Variants in DOT1L observed in about 807,000 individuals in gnomAD.
DOT1L encodes histone-lysine N-methyltransferase, H3 lysine-79 specific.
DOT1L carries 33 observed loss-of-function variants against 153.3 expected under a neutral mutation model. The observed-to-expected ratio is 0.22, with a 90% CI of 0.16 to 0.29. The LOEUF (loss-of-function observed/expected upper bound fraction) is 0.29, where lower values mean the gene tolerates loss of function less well. Among genes scored for constraint, DOT1L ranks in the 10% least tolerant of loss-of-function variants. The pLI is 1.00. For synonymous variants in DOT1L, 1,135 were observed against 965.1 expected (o/e 1.18, Z -3.26); for missense variants, 1,847 against 2,119.9 (o/e 0.87, Z 2.53).
chr19:2,165,961 G>A (rs577390318), intron 1 of DOT1L, among the ~76,000 whole-genome samples: 6 of 151,904 alleles, frequency 3.9e-5, no homozygotes, highest in Admixed American at 1.3e-4. Context: ...TAGTAGAGAC[G>A]GGGTTTCACC....
rs11881848 is a variant in DOT1L at position 2,230,801 on chromosome 19, G to C, written c.*1009G>C. On this transcript the variant is annotated 3_prime_UTR_variant, in exon 28 of 28. Transcript: ENST00000398665. ...ACAAAATGGCCCCAGCGTCAGCCCC[G>C]ACCCTAGACCCCTCAGTTGCAGCTC... The C allele has an allele frequency of 7.3e-5, 28 of 383,948 alleles. No homozygotes were observed. The highest frequency in any genetic ancestry group is 9.7e-5 in the Non-Finnish European group (21 of 217,186). The allele number at this position is 383,948 out of a possible 1,614,324, so 23.8% of individuals were successfully genotyped here.
intron 16 of DOT1L, 165 bp downstream of exon 16, chr19:2,212,007 G>T (rs1008997947): frequency 3.2e-6 from 2 of 633,796 alleles, no homozygotes; most frequent in Non-Finnish European, 5.3e-6. Flanking sequence ...TAAACCCAAA[G>T]AATGGACTGA....
intron 1 of DOT1L, among the ~76,000 whole-genome samples, chr19:2,166,568 C>T (rs755144373): frequency 2.0e-5 from 3 of 152,098 alleles, no homozygotes; most frequent in Admixed American, 6.6e-5. Flanking sequence ...TGAGCCACCA[C>T]GTCCGGCTAA....
rs979893615 is a variant in DOT1L at position 2,204,273 on chromosome 19, A to G, written c.787+1494A>G. Among the ~76,000 whole-genome samples, 4 of 148,452 alleles carry G rather than the reference A, an allele frequency of 2.7e-5. No homozygotes were observed. Among genetic ancestry groups the G allele is most frequent in the Non-Finnish European group, 4.5e-5 (3 of 67,320 alleles). Reference sequence around the variant, plus strand: ...TGCCCGTGTGCCTCCGTGTCTATGTATGTGTCTGCTTGTTTGTCTGTGTGT... The same window carrying G: ...TGCCCGTGTGCCTCCGTGTCTATGTGTGTGTCTGCTTGTTTGTCTGTGTGT... On this transcript the variant is annotated intron_variant, in intron 9 of 27. Transcript: ENST00000398665. The surrounding 1 kb of genome is among the most constrained non-coding windows in gnomAD (Gnocchi z 5.7).
chr19:2,195,274 C>A (rs1471908879), intron 7 of DOT1L, among the ~76,000 whole-genome samples: 1 of 152,130 alleles, frequency 6.6e-6, no homozygotes, highest in Non-Finnish European at 1.5e-5. Flanking sequence ...CTTCCCACCC[C>A]ACGCTGAGTC....
rs1231124047 is a variant in DOT1L, at chr19:2,190,285, C to G, written c.264+490C>G. 6.6e-6 allele frequency among the ~76,000 whole-genome samples: 1 copy of G among 152,138 alleles called. No homozygotes were observed. The highest frequency in any genetic ancestry group is 1.5e-5 in the Non-Finnish European group (1 of 68,006). ...GGGCACACAGTGAGCTGGGGTGTAGCAGGGAGGGGAACGTGCTGCTTCCCA... is the reference window on the plus strand; with the variant it reads ...GGGCACACAGTGAGCTGGGGTGTAGGAGGGAGGGGAACGTGCTGCTTCCCA... On this transcript the variant is annotated intron_variant, in intron 4 of 27. Coordinates refer to ENST00000398665, the MANE Select transcript of DOT1L (RefSeq NM_032482.3). The surrounding 1 kb of genome is among the most constrained non-coding windows in gnomAD (Gnocchi z 4.8).
intron 3 of DOT1L, 30 bp from the exon 4 acceptor site, chr19:2,189,702 A>C (rs759089252): frequency 1.3e-5 from 21 of 1,607,188 alleles, no homozygotes; most frequent in Non-Finnish European, 1.5e-5. Context: ...TCCTGCCCGC[A>C]TGACCAGGGC....
In DOT1L at chr19:2,230,763, A is replaced by G; in HGVS notation, c.*971A>G. ...AAAGCGAGGGGAAAAAACCTTATTT[A>G]TTCAAACAGTGCACAAAATGGCCCC... On this transcript the variant is annotated 3_prime_UTR_variant, in exon 28 of 28. Transcript: ENST00000398665. 1 of 396,630 alleles carries G rather than the reference A, an allele frequency of 2.5e-6. No homozygotes were observed. The highest frequency in any genetic ancestry group is 1.4e-4 in the South Asian group (1 of 7,010). 24.6% of individuals were successfully genotyped at this position (396,630 alleles called of 1,614,324 possible). A position where few individuals can be genotyped will look rare whatever the true frequency, so the allele number is the denominator to read the frequency against.
In DOT1L at chr19:2,193,321, CGTG is replaced by C. The variant is rs1019713668; in HGVS notation, c.494-366_494-364del. Among the ~76,000 whole-genome samples, 24 of 152,232 alleles carry C rather than the reference CGTG, an allele frequency of 1.6e-4. No homozygotes were observed. The highest frequency in any genetic ancestry group is 5.3e-4 in the African/African-American group (22 of 41,528). On this transcript the variant is annotated intron_variant, in intron 5 of 27. Coordinates refer to ENST00000398665, the MANE Select transcript of DOT1L (RefSeq NM_032482.3). This position sits in a 1 kb window ranked among gnomAD's most constrained non-coding sequence, Gnocchi z 5.9. ...TTGCTGTGTGTCTGTGTGCTGGTGACGTGGGGATAATTTGAGGTGGACGGCAGC... is the reference window on the plus strand; with the variant it reads ...TTGCTGTGTGTCTGTGTGCTGGTGACGGGATAATTTGAGGTGGACGGCAGC...
chr19:2,188,811 A>G (rs986168460), intron 3 of DOT1L, among the ~76,000 whole-genome samples: 1 of 152,178 alleles, frequency 6.6e-6, no homozygotes, highest in Admixed American at 6.5e-5. Flanking sequence ...TGGAGACTGG[A>G]CAGACTAGGC....
At chr19:2,219,729 C>T (rs116723684) in intron 22 of DOT1L, among the ~76,000 whole-genome samples, 1,924 of 152,236 alleles carry the variant, frequency 0.013, 41 homozygotes, top group African/African-American at 0.042. Context: ...TTCTCGCAAG[C>T]GCCCTCCTCA....
At chr19:2,214,013 A>T (rs1166077317) in intron 18 of DOT1L, 27 bp downstream of exon 18, 1 of 1,606,730 alleles carries the variant, frequency 6.2e-7, no homozygotes, top group Non-Finnish European at 8.5e-7. Flanking sequence ...AAGGACAGGG[A>T]CGTGGAACCA....
chr19:2,227,984 C>T (rs1568375413), intron 27 of DOT1L: 9 of 1,277,584 alleles, frequency 7.0e-6, no homozygotes, highest in Non-Finnish European at 9.2e-6. Flanking sequence ...CGCCCGTCCT[C>T]CACGCCCCCC....
chr19:2,229,037 C>T (rs980795829), intron 27 of DOT1L: 1 of 985,438 alleles, frequency 1.0e-6, no homozygotes, highest in Non-Finnish European at 1.2e-6. Flanking sequence ...GCCACACTGC[C>T]CTGTGGTCAT....
Position 2,222,111 on chromosome 19 carries a change from G to A in DOT1L, c.2942G>A (p.Arg981His), listed in dbSNP as rs1013270501. The change falls in exon 24 of 28, where the codon CGC becomes CAC. Residue 981 changes from arginine to histidine, a missense_variant. Physicochemically the swap from Arg to His is conservative, Grantham distance 29 (BLOSUM62 0). This residue lies in a region of DOT1L where 934 missense variants were observed against 825.3 expected (regional missense o/e 1.13). Transcript: ENST00000398665. This position sits in a 1 kb window ranked among gnomAD's most constrained non-coding sequence, Gnocchi z 6.5. ...AGCCTTTTTGCCACCGTGGGGTCCC[G>A]CAGCTCCACGCCACAGCACCCCCTG... ...SGSLFATVGS[R>H]SSTPQHPLLL... The A allele has an allele frequency of 9.9e-6, 16 of 1,613,112 alleles. No individual in the cohort carries two copies. The Admixed American group carries it at 1.0e-4, about 10-fold the overall frequency.
At chr19:2,184,986 G>T (rs1353996007) in intron 2 of DOT1L, among the ~76,000 whole-genome samples, 1 of 152,148 alleles carries the variant, frequency 6.6e-6, no homozygotes, top group Non-Finnish European at 1.5e-5. Flanking sequence ...TCAAGATGAC[G>T]CTGGCTGCAT....
At chr19:2,178,789 T>C (rs1276389344) in intron 1 of DOT1L, among the ~76,000 whole-genome samples, 1 of 152,068 alleles carries the variant, frequency 6.6e-6, no homozygotes, top group Non-Finnish European at 1.5e-5. Flanking sequence ...ATGGTCTCTA[T>C]CTCCTGACCT....
chr19:2,220,538 C>A lies in DOT1L; in HGVS notation c.2806+316C>A, dbSNP rs1431948553. 1 of 509,292 alleles carries A rather than the reference C, an allele frequency of 2.0e-6. No homozygotes were observed. The highest frequency in any genetic ancestry group is 1.9e-5 in the African/African-American group (1 of 52,056). 31.5% of individuals were successfully genotyped at this position (509,292 alleles called of 1,614,324 possible). On this transcript the variant is annotated intron_variant, in intron 23 of 27. Transcript: ENST00000398665. The surrounding 1 kb of genome is among the most constrained non-coding windows in gnomAD (Gnocchi z 4.5). Reference sequence around the variant, plus strand: ...GCTCCTGTACTCACAGCTGGGAGGCCCCTGACTCAGGATCGGCTCCACACA... The same window carrying A: ...GCTCCTGTACTCACAGCTGGGAGGCACCTGACTCAGGATCGGCTCCACACA...
intron 3 of DOT1L, among the ~76,000 whole-genome samples, chr19:2,186,412 A>C (rs2022509296): frequency 6.6e-6 from 1 of 152,096 alleles, no homozygotes; most frequent in African/African-American, 2.4e-5. Context: ...GGAGAGGGGC[A>C]GGGCTGTCTC....
Sources: allele counts gnomAD v4.1 joint callset (sites outside exome capture counted in the v4.1 genomes callset), GRCh38; gene constraint gnomAD v4.1.1; regional missense constraint gnomAD v4.1.1; non-coding constraint Gnocchi (gnomAD v3.1); transcripts MANE v1.5; gene names NCBI Gene and HGNC (gene_info 2026-07-23, HGNC 2026-07-21).